The following SENP6 variants were observed in gnomAD, a reference collection of about 807,000 sequenced individuals.
The protein encoded by SENP6 is SUMO specific peptidase 6.
In SENP6, 41 loss-of-function variants were observed where a neutral mutation model predicts 134.5. The observed-to-expected ratio is 0.30, with a 90% CI of 0.24 to 0.40. SENP6 has a LOEUF of 0.40. Ranked by LOEUF, SENP6 falls within the 10% of genes least tolerant of loss-of-function variation. The probability of loss-of-function intolerance (pLI) is 1.00; values close to 1 mark genes in which losing one functional copy is unlikely to be tolerated. For synonymous variants in SENP6, 395 were observed against 429.8 expected, an observed-to-expected ratio of 0.92 and a Z score of 1.00; for missense variants, 1,248 against 1,312.5, an observed-to-expected ratio of 0.95 and a Z score of 0.76.
intron 19 of SENP6, among the ~76,000 whole-genome samples, chr6:75,703,676 C>T (rs1213057286): frequency 6.6e-6 from 1 of 152,084 alleles, no homozygotes; most frequent in African/African-American, 2.4e-5. Flanking sequence ...GAGGGAGGAT[C>T]GCTTGAGCTC....
chr6:75,661,079 G>T (rs1414354915), intron 8 of SENP6, among the ~76,000 whole-genome samples: 1 of 151,940 alleles, frequency 6.6e-6, no homozygotes, highest in African/African-American at 2.4e-5. Flanking sequence ...ATTGTTTCTC[G>T]GCCTTCTCAG....
intron 3 of SENP6, among the ~76,000 whole-genome samples, chr6:75,625,339 T>A (rs935318640): frequency 6.6e-6 from 1 of 152,132 alleles, no homozygotes; most frequent in African/African-American, 2.4e-5. Context: ...GGTCATGAAC[T>A]CCTGGCCTCA....
At chr6:75,613,387 G>A (rs1463764241) in intron 1 of SENP6, among the ~76,000 whole-genome samples, 6 of 152,064 alleles carry the variant, frequency 3.9e-5, no homozygotes, top group Non-Finnish European at 8.8e-5. Context: ...GGACTGTATG[G>A]ACTACACAGT....
At chr6:75,635,941 C>A (rs898102055) in intron 5 of SENP6, among the ~76,000 whole-genome samples, 1 of 151,968 alleles carries the variant, frequency 6.6e-6, no homozygotes, top group African/African-American at 2.4e-5. Context: ...TTAGGTGATT[C>A]ATTTACAACC....
intron 11 of SENP6, among the ~76,000 whole-genome samples, chr6:75,671,048 A>G (rs1363692790): frequency 6.6e-6 from 1 of 152,144 alleles, no homozygotes; most frequent in Non-Finnish European, 1.5e-5. Flanking sequence ...GTAGTGAGTG[A>G]ATGAAGATTC....
chr6:75,706,675 G>A (rs998770979), intron 19 of SENP6, among the ~76,000 whole-genome samples: 1 of 150,604 alleles, frequency 6.6e-6, no homozygotes, highest in Non-Finnish European at 1.5e-5. Flanking sequence ...TTTTTGTTTT[G>A]TTTTTAGTAT....
intron 3 of SENP6, among the ~76,000 whole-genome samples, chr6:75,633,121 T>G (rs555875820): frequency 6.6e-6 from 1 of 152,304 alleles, no homozygotes; most frequent in African/African-American, 2.4e-5. Flanking sequence ...TATTTGCATC[T>G]ATTGAAGTAT....
chr6:75,647,709 A>G (rs1770562844), intron 6 of SENP6, 22 bp from the exon 7 acceptor site: 2 of 1,520,742 alleles, frequency 1.3e-6, no homozygotes, highest in South Asian at 1.1e-5. Flanking sequence ...TTAGAATAAA[A>G]CTACATAAAT....
chr6:75,684,207 A>G (rs373092067), intron 16 of SENP6, among the ~76,000 whole-genome samples: 1 of 151,930 alleles, frequency 6.6e-6, no homozygotes, highest in East Asian at 1.9e-4. Flanking sequence ...TTATCTGTTA[A>G]TGGTGTATAG....
intron 3 of SENP6, among the ~76,000 whole-genome samples, chr6:75,628,097 A>G (rs1768836825): frequency 6.6e-6 from 1 of 152,194 alleles, no homozygotes; most frequent in South Asian, 2.1e-4. Context: ...AACTGTAAAG[A>G]TTATTCTGAT....
At chr6:75,701,678 CGCCCAGGGTGGAGTGCAGTG>C (rs1562067353) in intron 18 of SENP6, among the ~76,000 whole-genome samples, 1 of 119,174 alleles carries the variant, frequency 8.4e-6, no homozygotes, top group Non-Finnish European at 1.6e-5. Flanking sequence ...CTCGCTCTGT[CGCCCAGGGTGGAGTGCAGTG>C]GCACAATCTC....
intron 16 of SENP6, among the ~76,000 whole-genome samples, chr6:75,687,073 T>C (rs1773894307): frequency 6.6e-6 from 1 of 152,214 alleles, no homozygotes; most frequent in Admixed American, 6.5e-5. Context: ...AGTCCCATAT[T>C]TCTTGGAGGC....
Position 75,648,969 on chromosome 6 carries a change from A to G in SENP6, c.550+1168A>G, listed in dbSNP as rs546036967. Among the ~76,000 whole-genome samples, 6 of 152,298 alleles carry G rather than the reference A, an allele frequency of 3.9e-5. No homozygotes were observed. The East Asian group carries it at 1.2e-3, about 29-fold the overall frequency. On this transcript the variant is annotated intron_variant, in intron 7 of 23. Coordinates refer to ENST00000447266, the MANE Select transcript of SENP6 (RefSeq NM_015571.4). ...TTGCTCTGTCACAAAGAAGGTTACT[A>G]CTAATCCTCAGAACTGTACAAAAGG...
chr6:75,674,237 A>C (rs1423656238), intron 11 of SENP6, among the ~76,000 whole-genome samples: 1 of 150,098 alleles, frequency 6.7e-6, no homozygotes, highest in African/African-American at 2.5e-5. Context: ...GCTAACTGTA[A>C]CCTTGAACTC....
intron 19 of SENP6, among the ~76,000 whole-genome samples, chr6:75,707,139 G>C (rs562388004): frequency 1.3e-5 from 2 of 152,234 alleles, no homozygotes; most frequent in African/African-American, 4.8e-5. Flanking sequence ...GGTTTAGTTT[G>C]TGTAAGGTAG....
At chr6:75,676,812 A>G (rs1474515558) in intron 13 of SENP6, 1 of 436,038 alleles carries the variant, frequency 2.3e-6, no homozygotes, top group Non-Finnish European at 4.1e-6. Context: ...AGAGTAATGT[A>G]TTCTGGTTCC....
intron 1 of SENP6, among the ~76,000 whole-genome samples, chr6:75,608,308 A>G (rs904712369): frequency 5.9e-5 from 9 of 152,096 alleles, no homozygotes; most frequent in African/African-American, 2.2e-4. Flanking sequence ...AAAAAATACA[A>G]AAATTAACCG....
intron 8 of SENP6, among the ~76,000 whole-genome samples, chr6:75,660,858 T>A (rs1017473047): frequency 1.3e-5 from 2 of 152,196 alleles, no homozygotes; most frequent in African/African-American, 4.8e-5. Flanking sequence ...CTTGAACTCC[T>A]GACCTCACGT....
At chr6:75,680,763 C>T (rs34254814) in intron 16 of SENP6, among the ~76,000 whole-genome samples, 5,314 of 152,148 alleles carry the variant, frequency 0.035, 134 homozygotes, top group Non-Finnish European at 0.054. Flanking sequence ...GGAGGAGTCC[C>T]ACCCCCATCC....
Sources: allele counts gnomAD v4.1 joint callset (sites outside exome capture counted in the v4.1 genomes callset), GRCh38; gene constraint gnomAD v4.1.1; transcripts MANE v1.5; gene names NCBI Gene and HGNC (gene_info 2026-07-23, HGNC 2026-07-21).